The following SMARCA1 variants were observed in gnomAD, a reference collection of about 807,000 sequenced individuals.
SMARCA1 encodes SWI/SNF-related matrix-associated actin-dependent regulator of chromatin subfamily A member 1.
Under a neutral mutation model 93.6 loss-of-function variants are expected in SMARCA1, and 17 were observed. The ratio of observed to expected loss-of-function variants is 0.18; its 90% CI spans 0.12 to 0.27. The LOEUF is 0.27. SMARCA1 is among the 10% of genes least tolerant of loss of function. The pLI is 1.00. For missense variants in SMARCA1, 630 were observed against 819.0 expected, an observed-to-expected ratio of 0.77 and a Z score of 2.82; for synonymous variants, 271 against 271.4, an observed-to-expected ratio of 1.00 and a Z score of 0.01.
intron 9 of SMARCA1, among the ~76,000 whole-genome samples, chrX:129,503,177 G>A (rs953478793): frequency 8.9e-6 from 1 of 112,255 alleles, no homozygotes; most frequent in Non-Finnish European, 1.9e-5. Flanking sequence ...TGAAATAGTT[G>A]TTATAGGAAA....
At chrX:129,512,032 G>A (rs749224619) in intron 5 of SMARCA1, 49 bp from the exon 6 acceptor site, 39 of 1,000,585 alleles carry the variant, frequency 3.9e-5, no homozygotes, top group African/African-American at 5.7e-5. Context: ...TTTTCTGTAA[G>A]GAAACATTTT....
chrX:129,505,366 G>A (rs1404958722), intron 8 of SMARCA1, among the ~76,000 whole-genome samples: 1 of 110,377 alleles, frequency 9.1e-6, no homozygotes. Flanking sequence ...CAAAAAATTA[G>A]CCAGGTGTGG....
intron 23 of SMARCA1, among the ~76,000 whole-genome samples, chrX:129,461,694 C>T (rs1032638713): frequency 1.8e-5 from 2 of 111,830 alleles, no homozygotes; most frequent in African/African-American, 6.5e-5. Context: ...AAGTTTTTGA[C>T]TATCCTAAGA....
At chrX:129,471,401 A>G in intron 19 of SMARCA1, 75 bp from the exon 20 acceptor site, 2 of 645,353 alleles carry the variant, frequency 3.1e-6, no homozygotes, top group Non-Finnish European at 4.6e-6. Flanking sequence ...ACACATATCA[A>G]TCTTTAGAGT....
At chrX:129,484,396 G>A (rs980895879) in intron 17 of SMARCA1, among the ~76,000 whole-genome samples, 2 of 111,557 alleles carry the variant, frequency 1.8e-5, no homozygotes, top group Non-Finnish European at 3.8e-5. Flanking sequence ...CCGTCTAAGT[G>A]AAGATTAGAG....
rs1395562420 is a variant in SMARCA1 at position 129,504,048 on chromosome X, C to T, written c.1167+686G>A. Among the ~76,000 whole-genome samples, 33 of 106,147 alleles carry T rather than the reference C, an allele frequency of 3.1e-4. No individual in the cohort carries two copies. The Admixed American group carries it at 3.3e-3, about 11-fold the overall frequency. 92.2% of individuals were successfully genotyped at this position (106,147 alleles called of 115,157 possible). A position where few individuals can be genotyped will look rare whatever the true frequency, so the allele number is the denominator to read the frequency against. On this transcript the variant is annotated intron_variant, in intron 9 of 24. Transcript: ENST00000371121. ...ATCCCAGCACTTTGGGAGGCCCAGG[C>T]GGGCAGATTACCTGAGGTCAGGAGT...
intron 21 of SMARCA1, among the ~76,000 whole-genome samples, chrX:129,466,336 C>G (rs1469695236): frequency 4.5e-5 from 5 of 111,037 alleles, no homozygotes; most frequent in African/African-American, 1.6e-4. Flanking sequence ...AATATATAAA[C>G]AGTGAATATA....
At position 129,462,301 on chromosome X, in the gene SMARCA1, A is replaced by G. The variant is rs986504104; in HGVS notation, c.3030+3219T>C. Among the ~76,000 whole-genome samples, 23 of 111,966 alleles carry G rather than the reference A, an allele frequency of 2.1e-4. 1 individual carries two copies. The highest frequency in any genetic ancestry group is 9.5e-5 in the Admixed American group (1 of 10,526). On this transcript the variant is annotated intron_variant, in intron 23 of 24. Transcript: ENST00000371121. ...TTCTAAGATGGGATTTTTCAATGAA[A>G]CAACTTCTTTGTATTTCAGAAATCA...
intron 11 of SMARCA1, 113 bp from the exon 12 acceptor site, chrX:129,496,984 CGCACACACACACGT>C (rs959629800): frequency 1.5e-5 from 8 of 548,023 alleles, no homozygotes; most frequent in East Asian, 1.0e-4. Flanking sequence ...ACTCCACTAA[CGCACACACACACGT>C]GCACACACAC....
chrX:129,512,647 G>C (rs1252408243), intron 5 of SMARCA1, among the ~76,000 whole-genome samples: 2 of 111,646 alleles, frequency 1.8e-5, no homozygotes, highest in Admixed American at 9.5e-5. Context: ...AACTGCTTTC[G>C]GTTTTATCTC....
intron 17 of SMARCA1, among the ~76,000 whole-genome samples, chrX:129,484,766 T>A (rs1201715539): frequency 2.7e-5 from 3 of 111,525 alleles, no homozygotes; most frequent in African/African-American, 9.8e-5. Context: ...AATAAATACA[T>A]ATAGATGGAA....
chrX:129,455,869 T>G lies in SMARCA1; in HGVS notation c.3031-7426A>C, dbSNP rs112399100. ...ATAGAAAGATGCTGTTTCCATAACA[T>G]AAAAGTGCAAGGTGAAACAGCAAGT... On this transcript the variant is annotated intron_variant, in intron 23 of 24. Transcript: ENST00000371121. 3.7e-4 allele frequency among the ~76,000 whole-genome samples: 41 copies of G among 112,179 alleles called. 1 individual carries two copies. The highest frequency in any genetic ancestry group is 1.2e-3 in the African/African-American group (38 of 30,921).
Position 129,523,086 on chromosome X carries a change from C to T in SMARCA1, c.174+111G>A. ...CGACCCCCGCACCCGCCGCCCCTAG[C>T]CCCGCAAAGCTCCGCGGGTACCTGT... On this transcript the variant is annotated intron_variant, in intron 1 of 24. Coordinates refer to ENST00000371121, the MANE Select transcript of SMARCA1 (RefSeq NM_001282874.2). 5.6e-6 allele frequency: 5 copies of T among 887,536 alleles called. No homozygotes were observed. The South Asian group carries it at 1.2e-4, about 21-fold the overall frequency. The allele number at this position is 887,536 out of a possible 1,213,427, so 73.1% of individuals were successfully genotyped here. A position where few individuals can be genotyped will look rare whatever the true frequency, so the allele number is the denominator to read the frequency against.
rs565355711 is a variant in SMARCA1 at position 129,458,516 on chromosome X, C to T, written c.3030+7004G>A. Among the ~76,000 whole-genome samples, 24 of 112,392 alleles carry T rather than the reference C, an allele frequency of 2.1e-4. No individual in the cohort carries two copies. The South Asian group carries it at 8.8e-3, about 41-fold the overall frequency. ...GATGTAATGTTTGCAGTGAGCAGCA[C>T]TGCCCCTTAGTGTGTGGTGAATATC... On this transcript the variant is annotated intron_variant, in intron 23 of 24. Coordinates refer to ENST00000371121, the MANE Select transcript of SMARCA1 (RefSeq NM_001282874.2).
At chrX:129,492,786 G>C (rs1398692417) in intron 13 of SMARCA1, among the ~76,000 whole-genome samples, 1 of 111,062 alleles carries the variant, frequency 9.0e-6, no homozygotes, top group Non-Finnish European at 1.9e-5. Context: ...AAAAAGAACA[G>C]ACAACTCACA....
intron 1 of SMARCA1, 194 bp from the exon 2 acceptor site, chrX:129,518,641 G>A: frequency 3.8e-6 from 1 of 265,929 alleles, no homozygotes; most frequent in Non-Finnish European, 6.7e-6. Context: ...TACACCTGAG[G>A]TCCAATAAAA....
intron 19 of SMARCA1, among the ~76,000 whole-genome samples, chrX:129,479,894 T>C (rs1933572881): frequency 9.0e-6 from 1 of 111,005 alleles, no homozygotes; most frequent in Non-Finnish European, 1.9e-5. Context: ...GACGGGGTTT[T>C]GCCATGTTGG....
intron 23 of SMARCA1, among the ~76,000 whole-genome samples, chrX:129,458,200 G>C (rs1932722392): frequency 1.8e-5 from 2 of 111,950 alleles, no homozygotes; most frequent in Non-Finnish European, 3.8e-5. Flanking sequence ...ATGAACCCTA[G>C]AATGTGAATT....
chrX:129,511,704 G>A, intron 6 of SMARCA1, 100 bp downstream of exon 6: 1 of 616,431 alleles, frequency 1.6e-6, no homozygotes, highest in East Asian at 3.3e-5. Context: ...GTCTTATTTA[G>A]TAGTAGTCAA....
Sources: gnomAD v4.1 joint callset for allele counts (sites outside exome capture counted in the v4.1 genomes callset) on GRCh38, gnomAD v4.1.1 for gene constraint, MANE v1.5 for transcripts, NCBI Gene and HGNC (gene_info 2026-07-23, HGNC 2026-07-21) for gene names.